The following SPTB variants were observed in gnomAD, a reference collection of about 807,000 sequenced individuals.
The protein encoded by SPTB is spectrin beta chain, erythrocytic.
SPTB carries 45 observed loss-of-function variants against 256.2 expected under a neutral mutation model. That is an observed-to-expected ratio of 0.18 (90% confidence interval 0.14 to 0.23). The LOEUF (loss-of-function observed/expected upper bound fraction) is 0.23, where lower values mean the gene tolerates loss of function less well. Ranked by LOEUF, SPTB falls within the 10% of genes least tolerant of loss-of-function variation. SPTB has a pLI of 1.00. For synonymous variants in SPTB, 1,231 were observed against 1,243.1 expected, an observed-to-expected ratio of 0.99 and a Z score of 0.21; for missense variants, 2,715 against 3,040.4, an observed-to-expected ratio of 0.89 and a Z score of 2.52.
At chr14:64,751,729 TTC>T (rs766979913) in intron 33 of SPTB, among the ~76,000 whole-genome samples, 47 of 152,152 alleles carry the variant, frequency 3.1e-4, no homozygotes, top group Admixed American at 6.5e-4. Context: ...AGTGATTGTT[TTC>T]TGTTTTGATG....
In SPTB at chr14:64,844,317, C is replaced by T. The variant is rs1338635850; in HGVS notation, c.-51-21172G>A. ...TATGTGTGAAGGGACCAGGTCCCAA[C>T]ACACAATAGGAATTTATATCCCCAA... On this transcript the variant is annotated intron_variant, in intron 1 of 35. Coordinates refer to ENST00000644917, the MANE Select transcript of SPTB (RefSeq NM_001355436.2). This position sits in a 1 kb window ranked among gnomAD's most constrained non-coding sequence, Gnocchi z 4.1. Among the ~76,000 whole-genome samples, 1 of 152,222 alleles carries T rather than the reference C, an allele frequency of 6.6e-6. No homozygotes were observed. Among genetic ancestry groups the T allele is most frequent in the African/African-American group, 2.4e-5 (1 of 41,466 alleles).
intron 1 of SPTB, among the ~76,000 whole-genome samples, chr14:64,828,846 G>A (rs1368487655): frequency 6.6e-6 from 1 of 152,188 alleles, no homozygotes; most frequent in Non-Finnish European, 1.5e-5. Flanking sequence ...GCAGGAGGTA[G>A]GTAGAGGTCT....
At chr14:64,800,322 G>C (rs1418726099) in intron 8 of SPTB, among the ~76,000 whole-genome samples, 3 of 152,248 alleles carry the variant, frequency 2.0e-5, no homozygotes, top group African/African-American at 7.2e-5. Flanking sequence ...ATGAGGCACA[G>C]AGATGAATGA....
Position 64,795,873 on chromosome 14 carries a change from G to A in SPTB, c.1342-234C>T, listed in dbSNP as rs573552709. Among the ~76,000 whole-genome samples, 14 of 152,262 alleles carry A rather than the reference G, an allele frequency of 9.2e-5. No individual in the cohort carries two copies. In the South Asian group the frequency reaches 2.7e-3, roughly 29 times the overall value. ...CATGATTTTACTCCCCGTGCCACCC[G>A]CGTGGGAGATGCAGCCTGCGTGTTA... On this transcript the variant is annotated intron_variant, in intron 11 of 35. Coordinates refer to ENST00000644917, the MANE Select transcript of SPTB (RefSeq NM_001355436.2). The surrounding 1 kb of genome is among the most constrained non-coding windows in gnomAD (Gnocchi z 6.5).
chr14:64,867,458 G>C (rs1882253337), intron 1 of SPTB, among the ~76,000 whole-genome samples: 2 of 152,174 alleles, frequency 1.3e-5, no homozygotes, highest in South Asian at 4.1e-4. Context: ...AAAAGAGGAA[G>C]GAATGTGTGT....
chr14:64,797,918 C>T (rs150429690), intron 9 of SPTB, 72 bp from the exon 10 acceptor site: 31 of 1,037,992 alleles, frequency 3.0e-5, no homozygotes, highest in Middle Eastern at 4.0e-4. Flanking sequence ...AAAGTCAACA[C>T]GGAACTGTGG....
In SPTB at chr14:64,782,452, T is replaced by G; in HGVS notation, c.4104A>C (p.Thr1368=). 1 of 1,614,120 alleles carries G rather than the reference T, an allele frequency of 6.2e-7. No homozygotes were observed. The highest frequency in any genetic ancestry group is 1.3e-5 in the African/African-American group (1 of 75,030). ...CCGAGAGGTGCTGGGTCTTCTCCTT[T>G]GTGGTGGCCTGCAGCTCGTCCCAGA... The part of the protein sequence containing the change: ...HRLWDELQAT[T]KEKTQHLSAA... The change falls in exon 20 of 36, where the codon ACA becomes ACC. Residue 1368 remains threonine, a synonymous_variant. Transcript: ENST00000644917.
At chr14:64,804,039 A>C (rs1000005353) in intron 3 of SPTB, among the ~76,000 whole-genome samples, 2 of 152,266 alleles carry the variant, frequency 1.3e-5, no homozygotes, top group African/African-American at 2.4e-5. Context: ...CTGAGTGGGC[A>C]ATAAACGGCA....
intron 30 of SPTB, 47 bp downstream of exon 30, chr14:64,767,616 G>A (rs1275056539): frequency 6.2e-7 from 1 of 1,608,050 alleles, no homozygotes; most frequent in Non-Finnish European, 8.5e-7. Context: ...ACCCCTGGGG[G>A]CACAGTTGCC....
intron 23 of SPTB, among the ~76,000 whole-genome samples, 196 bp from the exon 24 acceptor site, chr14:64,774,723 G>C (rs1451664130): frequency 6.6e-6 from 1 of 151,994 alleles, no homozygotes; most frequent in African/African-American, 2.4e-5. Context: ...TTCCTCTCTG[G>C]ACTCCCCTGA....
chr14:64,786,463 G>T lies in SPTB; in HGVS notation c.3502C>A (p.Leu1168Ile), dbSNP rs145875201. Residue 1168 changes from leucine (L) to isoleucine (I), a missense_variant, in exon 16 of 36, where the codon CTT (leucine) becomes ATT (isoleucine). This residue lies in a region of SPTB where 2,239 missense variants were observed against 2,384.4 expected (regional missense o/e 0.94). Transcript: ENST00000644917. This position sits in a 1 kb window ranked among gnomAD's most constrained non-coding sequence, Gnocchi z 5.6. ...TCTTTCTGGAACTCCTGGAAGCCAA[G>T]GCACTGAGCGAGGGTGTGGCTGCGG... ...ESRSHTLAQC[L>I]GFQEFQKDAK... is the part of the protein sequence containing the mutation. 5.0e-6 allele frequency: 8 copies of T among 1,614,038 alleles called. No individual in the cohort carries two copies. The highest frequency in any genetic ancestry group is 1.3e-5 in the African/African-American group (1 of 74,942).
At chr14:64,801,059 G>A (rs561543479) in intron 7 of SPTB, among the ~76,000 whole-genome samples, 191 bp from the exon 8 acceptor site, 7 of 152,330 alleles carry the variant, frequency 4.6e-5, no homozygotes, top group African/African-American at 1.7e-4. Context: ...AAAAGAAGAA[G>A]GATCCAAAGT....
rs765225112 is a variant in SPTB, at chr14:64,782,470, G to A, written c.4086C>T (p.Asp1362=). 27 of 1,614,116 alleles carry A rather than the reference G, an allele frequency of 1.7e-5. No individual in the cohort carries two copies. The highest frequency in any genetic ancestry group is 4.5e-5 in the East Asian group (2 of 44,888). The change falls in exon 20 of 36, where the codon GAC becomes GAT. Residue 1362 remains aspartate, a synonymous_variant. Transcript: ENST00000644917. ...TCTCCTTTGTGGTGGCCTGCAGCTC[G>A]TCCCAGAGCCGGTGCAGGGCTTCCA... ...QKLEALHRLW[D]ELQATTKEKT...
In SPTB at chr14:64,847,448, G is replaced by C. The variant is rs779585045; in HGVS notation, c.-51-24303C>G. Reference sequence around the variant, plus strand: ...CTGTGTCCAGTGGGAATTGGAGGAGGGGGTAGACGTGTAGGGAAAAGCCTA... The same window carrying C: ...CTGTGTCCAGTGGGAATTGGAGGAGCGGGTAGACGTGTAGGGAAAAGCCTA... On this transcript the variant is annotated intron_variant, in intron 1 of 35. Transcript: ENST00000644917. This position sits in a 1 kb window ranked among gnomAD's most constrained non-coding sequence, Gnocchi z 5.9. Among the ~76,000 whole-genome samples, 2 of 152,194 alleles carry C rather than the reference G, an allele frequency of 1.3e-5. No homozygotes were observed. The highest frequency in any genetic ancestry group is 2.9e-5 in the Non-Finnish European group (2 of 68,032).
intron 1 of SPTB, among the ~76,000 whole-genome samples, chr14:64,834,087 C>CAT: frequency 6.6e-6 from 1 of 152,156 alleles, no homozygotes; most frequent in East Asian, 1.9e-4. Context: ...AGTGCAGTGG[C>CAT]GCTATCTCGG....
At chr14:64,854,735 G>A (rs2083844688) in intron 1 of SPTB, among the ~76,000 whole-genome samples, 1 of 152,092 alleles carries the variant, frequency 6.6e-6, no homozygotes, top group South Asian at 2.1e-4. Flanking sequence ...AAGGCTCCTC[G>A]GATTACACCC....
At position 64,767,657 on chromosome 14, in the gene SPTB, G is replaced by C. The variant is rs1229781786; in HGVS notation, c.6219+6C>G. 5.0e-6 allele frequency: 8 copies of C among 1,613,754 alleles called. No homozygotes were observed. The highest frequency in any genetic ancestry group is 2.7e-5 in the African/African-American group (2 of 74,936). The stretch of plus-strand genomic sequence containing the variant: ...CCTGAGCCTCCCAGCACTGTTCCCT[G>C]CTCACCGTGGTGGGCTTCTCCAGGG... On this transcript the variant is annotated splice_donor_region_variant and intron_variant, in intron 30 of 35. Coordinates refer to ENST00000644917, the MANE Select transcript of SPTB (RefSeq NM_001355436.2).
rs970699226 is a variant in SPTB, at chr14:64,845,927, A to G, written c.-51-22782T>C. Among the ~76,000 whole-genome samples the G allele has an allele frequency of 6.6e-6, 1 of 152,358 alleles. No homozygotes were observed. Among genetic ancestry groups the G allele is most frequent in the East Asian group, 1.9e-4 (1 of 5,190 alleles). ...AAAAAACCCGCTCTACATTTTATGC[A>G]TAAAGTAGGTAGAGTATGGAGTTCA... On this transcript the variant is annotated intron_variant, in intron 1 of 35. Transcript: ENST00000644917. The surrounding 1 kb of genome is among the most constrained non-coding windows in gnomAD (Gnocchi z 4.8).
Position 64,749,558 on chromosome 14 carries a change from G to C in SPTB, c.6820-85C>G. On this transcript the variant is annotated intron_variant, in intron 35 of 35. Transcript: ENST00000644917. The surrounding 1 kb of genome is among the most constrained non-coding windows in gnomAD (Gnocchi z 4.7). ...AGGCAACAATGGTGGGGGCTCTTGGGACTGCCCCTTCTGAGGGGGCCTCCA... is the reference window on the plus strand; with the variant it reads ...AGGCAACAATGGTGGGGGCTCTTGGCACTGCCCCTTCTGAGGGGGCCTCCA... The C allele has an allele frequency of 6.2e-7, 1 of 1,603,854 alleles. No individual in the cohort carries two copies. The highest frequency in any genetic ancestry group is 8.5e-7 in the Non-Finnish European group (1 of 1,178,666).
Sources: allele counts gnomAD v4.1 joint callset (sites outside exome capture counted in the v4.1 genomes callset), GRCh38; gene constraint gnomAD v4.1.1; regional missense constraint gnomAD v4.1.1; non-coding constraint Gnocchi (gnomAD v3.1); transcripts MANE v1.5; gene names NCBI Gene and HGNC (gene_info 2026-07-23, HGNC 2026-07-21).